The following CD36 variants were observed in gnomAD, a reference collection of about 807,000 sequenced individuals.
CD36 encodes platelet glycoprotein 4.
CD36 carries 119 observed loss-of-function variants against 55.2 expected under a neutral mutation model. That is an observed-to-expected ratio of 2.15 (90% CI 1.86 to 2.51). The LOEUF is 2.51. CD36 is among the 30% of genes most tolerant of loss of function. The pLI is 0.00. For missense variants in CD36, 819 were observed against 555.5 expected (o/e 1.47, Z -4.77); for synonymous variants, 186 against 193.6 (o/e 0.96, Z 0.33).
intron 1 of CD36, among the ~76,000 whole-genome samples, chr7:80,603,129 A>C (rs1792334843): frequency 6.6e-6 from 1 of 152,132 alleles, no homozygotes; most frequent in African/African-American, 2.4e-5. Context: ...GTTTCATAAT[A>C]TGGCTACATA....
intron 3 of CD36, among the ~76,000 whole-genome samples, chr7:80,650,888 A>T (rs1795551287): frequency 6.6e-6 from 1 of 151,450 alleles, no homozygotes. Flanking sequence ...CGTGATTCTT[A>T]ATAGAGTTGT....
At chr7:80,651,674 G>A (rs1450566584) in intron 3 of CD36, among the ~76,000 whole-genome samples, 1 of 152,148 alleles carries the variant, frequency 6.6e-6, no homozygotes, top group Non-Finnish European at 1.5e-5. Flanking sequence ...TCGGGAGGCT[G>A]AGACGGGTGG....
chr7:80,625,476 T>C (rs9641866), intron 1 of CD36, among the ~76,000 whole-genome samples: 1 of 152,024 alleles, frequency 6.6e-6, no homozygotes, highest in Non-Finnish European at 1.5e-5. Flanking sequence ...GATAAGGGAC[T>C]GAAGAAGGTG....
chr7:80,649,193 C>G (rs1238244001), intron 3 of CD36, among the ~76,000 whole-genome samples: 1 of 152,056 alleles, frequency 6.6e-6, no homozygotes, highest in African/African-American at 2.4e-5. Flanking sequence ...TTTTACTCAT[C>G]TTACAGGCGC....
Position 80,678,603 on chromosome 7 carries a change from G to C in CD36, c.*2220G>C, listed in dbSNP as rs1798234276. ...TGGCCAGGCATGGTGGCTCATGCCT[G>C]TAATCCCAGCACTTTGGGAGGCAGG... On this transcript the variant is annotated 3_prime_UTR_variant, in exon 15 of 15. Coordinates refer to ENST00000447544, the MANE Select transcript of CD36 (RefSeq NM_001001548.3). 1 of 152,198 alleles carries C rather than the reference G, an allele frequency of 6.6e-6. No homozygotes were observed. The highest frequency in any genetic ancestry group is 6.5e-5 in the Admixed American group (1 of 15,272). 9.4% of individuals were successfully genotyped at this position (152,198 alleles called of 1,614,324 possible).
rs76645068 is a variant in CD36, at chr7:80,675,936, G to A, written c.*1-448G>A. Among the ~76,000 whole-genome samples the A allele has an allele frequency of 1.1e-3, 163 of 147,566 alleles. 1 individual carries two copies. Among genetic ancestry groups the A allele is most frequent in the African/African-American group, 3.7e-3 (150 of 40,696 alleles). On this transcript the variant is annotated intron_variant, in intron 14 of 14. Transcript: ENST00000447544. The stretch of plus-strand genomic sequence containing the variant: ...CCAGGGCAGATGCACTTCAGCTACC[G>A]TTCCTTGCCTGGTGTGTGCTTGTCT...
At chr7:80,602,952 A>T (rs1205988096) in intron 1 of CD36, among the ~76,000 whole-genome samples, 2 of 152,278 alleles carry the variant, frequency 1.3e-5, no homozygotes, top group East Asian at 3.9e-4. Flanking sequence ...TAAAAGACCA[A>T]TCTTAACAAT....
At chr7:80,650,299 A>G (rs1467181441) in intron 3 of CD36, among the ~76,000 whole-genome samples, 2 of 152,200 alleles carry the variant, frequency 1.3e-5, no homozygotes, top group South Asian at 2.1e-4. Flanking sequence ...CTACACAACC[A>G]TGTTGACCTT....
At chr7:80,654,083 C>T (rs1481678473) in intron 3 of CD36, among the ~76,000 whole-genome samples, 4 of 152,070 alleles carry the variant, frequency 2.6e-5, no homozygotes, top group Admixed American at 6.6e-5. Flanking sequence ...CTGTGTTTCA[C>T]GTTTGCCTTA....
chr7:80,607,927 C>T (rs118124626), intron 1 of CD36, among the ~76,000 whole-genome samples: 15 of 152,144 alleles, frequency 9.9e-5, no homozygotes, highest in East Asian at 1.9e-4. Context: ...CCTGCTGCCT[C>T]GCCCAGCTAA....
At chr7:80,619,584 T>G (rs1012886317) in intron 1 of CD36, among the ~76,000 whole-genome samples, 2 of 150,528 alleles carry the variant, frequency 1.3e-5, no homozygotes. Context: ...GAGGCAGAGA[T>G]TGCAGTGAGC....
Position 80,671,155 on chromosome 7 carries a change from T to C in CD36, c.997T>C (p.Cys333Arg). 6.2e-7 allele frequency: 1 copy of C among 1,607,908 alleles called. No individual in the cohort carries two copies. The highest frequency in any genetic ancestry group is 1.1e-5 in the South Asian group (1 of 90,950). The change falls in exon 10 of 15, where the codon TGC (cysteine) becomes CGC (arginine). Residue 333 changes from cysteine to arginine, a missense_variant. Coordinates refer to ENST00000447544, the MANE Select transcript of CD36 (RefSeq NM_001001548.3). Reference sequence around the variant, plus strand: ...ATATGGTGTGCTAGACATCAGCAAATGCAAAGAAGGTGAGTAAATAACCTC... The same window carrying C: ...ATATGGTGTGCTAGACATCAGCAAACGCAAAGAAGGTGAGTAAATAACCTC... ...TSYGVLDISK[C>R]KEGRPVYISL... is the part of the protein sequence containing the mutation.
intron 4 of CD36, among the ~76,000 whole-genome samples, chr7:80,659,655 A>G (rs554901576): frequency 7.1e-6 from 1 of 140,756 alleles, no homozygotes; most frequent in East Asian, 2.0e-4. Context: ...TCTTCTAGTG[A>G]CTGCCATCTA....
At chr7:80,616,613 T>C (rs905728665) in intron 1 of CD36, among the ~76,000 whole-genome samples, 3 of 152,202 alleles carry the variant, frequency 2.0e-5, no homozygotes, top group African/African-American at 7.2e-5. Context: ...CCAGTTGTTA[T>C]CAGTTGGGAT....
chr7:80,620,573 C>A (rs891825188), intron 1 of CD36, among the ~76,000 whole-genome samples: 1 of 152,108 alleles, frequency 6.6e-6, no homozygotes, highest in African/African-American at 2.4e-5. Context: ...AGAAGCTCAC[C>A]AAACCCAGTC....
rs539536072 is a variant in CD36 at position 80,674,284 on chromosome 7, G to A, written c.*137G>A. ...TAGCCACTGATCATTTTTAAATATA[G>A]GTAAATAAACCTATAAATATTATCA... On this transcript the variant is annotated intron_variant, in intron 14 of 14. Transcript: ENST00000447544. 28 of 641,398 alleles carry A rather than the reference G, an allele frequency of 4.4e-5. No homozygotes were observed. In the East Asian group the frequency reaches 6.4e-4, roughly 15 times the overall value. The allele number at this position is 641,398 out of a possible 1,614,324, so 39.7% of individuals were successfully genotyped here.
At chr7:80,635,296 C>T (rs1370400843), upstream of CD36, among the ~76,000 whole-genome samples, 1 of 105,954 alleles carries the variant, frequency 9.4e-6, no homozygotes, top group East Asian at 2.6e-4. Context: ...TTTTTTGAGA[C>T]AGAGTCTCAC....
At chr7:80,624,384 G>C (rs1793636653) in intron 1 of CD36, among the ~76,000 whole-genome samples, 2 of 152,108 alleles carry the variant, frequency 1.3e-5, no homozygotes, top group African/African-American at 4.8e-5. Flanking sequence ...CATTTAGGCA[G>C]CCTGTTTCAA....
At chr7:80,627,370 A>G (rs1793799598) in intron 1 of CD36, among the ~76,000 whole-genome samples, 1 of 152,006 alleles carries the variant, frequency 6.6e-6, no homozygotes, top group Non-Finnish European at 1.5e-5. Context: ...TCTTGGAATT[A>G]ATTCTCATTG....
Sources: allele counts gnomAD v4.1 joint callset (sites outside exome capture counted in the v4.1 genomes callset), GRCh38; gene constraint gnomAD v4.1.1; transcripts MANE v1.5; gene names NCBI Gene and HGNC (gene_info 2026-07-23, HGNC 2026-07-21).